Variants in PTPRG observed in about 807,000 individuals in gnomAD.
PTPRG encodes the protein protein tyrosine phosphatase receptor type G.
PTPRG carries 102 observed loss-of-function variants against 165.3 expected under a neutral mutation model. The observed-to-expected ratio is 0.62, with a 90% CI of 0.53 to 0.73. PTPRG has a LOEUF of 0.73. Ranked by LOEUF, PTPRG falls within the 30% of genes least tolerant of loss-of-function variation. The pLI, the probability that PTPRG is intolerant of heterozygous loss-of-function variation, is 0.00. For synonymous variants in PTPRG, 675 were observed against 669.5 expected, an observed-to-expected ratio of 1.01 and a Z score of -0.13; for missense variants, 1,866 against 1,861.4, an observed-to-expected ratio of 1.00 and a Z score of -0.05.
intron 2 of PTPRG, among the ~76,000 whole-genome samples, chr3:61,979,250 T>C (rs1213558980): frequency 6.6e-6 from 1 of 152,242 alleles, no homozygotes; most frequent in Non-Finnish European, 1.5e-5. Context: ...CACAGCACCG[T>C]TACTGATAAT....
At chr3:62,154,843 G>A (rs1277947197) in intron 6 of PTPRG, among the ~76,000 whole-genome samples, 1 of 152,206 alleles carries the variant, frequency 6.6e-6, no homozygotes, top group Non-Finnish European at 1.5e-5. Flanking sequence ...CCTACAACAT[G>A]AGGGAGACAT....
At chr3:61,894,586 C>T (rs1280118935) in intron 2 of PTPRG, among the ~76,000 whole-genome samples, 1 of 152,012 alleles carries the variant, frequency 6.6e-6, no homozygotes, top group Non-Finnish European at 1.5e-5. Flanking sequence ...TCATTAATTC[C>T]CCTTTACAGA....
At chr3:61,864,271 T>A (rs1188174270) in intron 2 of PTPRG, among the ~76,000 whole-genome samples, 2 of 152,166 alleles carry the variant, frequency 1.3e-5, no homozygotes, top group Non-Finnish European at 2.9e-5. Flanking sequence ...TACCCTTATT[T>A]ACCCAGGATT....
chr3:62,072,775 C>T (rs1275539862), intron 4 of PTPRG, among the ~76,000 whole-genome samples: 4 of 152,116 alleles, frequency 2.6e-5, no homozygotes, highest in Non-Finnish European at 4.4e-5. Flanking sequence ...ATAGGTTCAT[C>T]GACCTTTAAG....
At chr3:61,630,223 T>C (rs1701730884) in intron 1 of PTPRG, among the ~76,000 whole-genome samples, 2 of 152,234 alleles carry the variant, frequency 1.3e-5, no homozygotes, top group Non-Finnish European at 2.9e-5. Flanking sequence ...GTCTTTTTTA[T>C]GGAGTTGTAG....
intron 2 of PTPRG, among the ~76,000 whole-genome samples, chr3:61,967,276 G>A (rs2040291934): frequency 6.6e-6 from 1 of 152,148 alleles, no homozygotes. Flanking sequence ...GCCTCTGATT[G>A]TGATTTGATC....
At chr3:61,936,423 G>T (rs2039486304) in intron 2 of PTPRG, among the ~76,000 whole-genome samples, 1 of 152,170 alleles carries the variant, frequency 6.6e-6, no homozygotes, top group African/African-American at 2.4e-5. Flanking sequence ...GTATTTATTT[G>T]TGACTTTTTT....
chr3:62,255,056 C>T lies in PTPRG; in HGVS notation c.2468-68C>T. On this transcript the variant is annotated intron_variant, in intron 15 of 29. Transcript: ENST00000474889. The surrounding 1 kb of genome is among the most constrained non-coding windows in gnomAD (Gnocchi z 4.0). ...AAGTATTTGTCTTAAGGATGCTTTG[C>T]TTTATCAGTGTAATTTGTTTTATGG... The T allele has an allele frequency of 7.4e-7, 1 of 1,354,832 alleles. No individual in the cohort carries two copies. Among genetic ancestry groups the T allele is most frequent in the Non-Finnish European group, 1.0e-6 (1 of 965,116 alleles). The allele number at this position is 1,354,832 out of a possible 1,614,324, so 83.9% of individuals were successfully genotyped here. A position where few individuals can be genotyped will look rare whatever the true frequency, so the allele number is the denominator to read the frequency against.
intron 12 of PTPRG, among the ~76,000 whole-genome samples, chr3:62,216,544 C>A (rs1046765342): frequency 6.6e-6 from 1 of 151,954 alleles, no homozygotes; most frequent in Non-Finnish European, 1.5e-5. Context: ...AGATTCCCCC[C>A]CCTCCCCCAC....
chr3:61,709,353 C>A (rs1036010840), intron 1 of PTPRG, among the ~76,000 whole-genome samples: 2 of 152,152 alleles, frequency 1.3e-5, no homozygotes, highest in East Asian at 3.9e-4. Context: ...CTCGCTCTGT[C>A]ACCCAGGCTG....
chr3:61,798,726 T>TC (rs1184930134), intron 2 of PTPRG, among the ~76,000 whole-genome samples: 1 of 151,960 alleles, frequency 6.6e-6, no homozygotes, highest in Admixed American at 6.6e-5. Context: ...TGTAGCATCT[T>TC]CCAATAAAAG....
chr3:61,964,965 G>A (rs748908218), intron 2 of PTPRG, among the ~76,000 whole-genome samples: 2 of 152,076 alleles, frequency 1.3e-5, no homozygotes, highest in African/African-American at 2.4e-5. Context: ...ATCCGGGGCC[G>A]GGTGCAGTCT....
In PTPRG at chr3:61,766,510, G is replaced by A. The variant is rs1214675155; in HGVS notation, c.190+17528G>A. On this transcript the variant is annotated intron_variant, in intron 2 of 29. Transcript: ENST00000474889. Reference sequence around the variant, plus strand: ...TCCAGATTTCTATCTATATATTAAAGGAGTAGATCTGGAATTTCAGCTCTC... The same window carrying A: ...TCCAGATTTCTATCTATATATTAAAAGAGTAGATCTGGAATTTCAGCTCTC... Among the ~76,000 whole-genome samples the A allele has an allele frequency of 2.0e-5, 3 of 152,006 alleles. No homozygotes were observed. In the East Asian group the frequency reaches 5.8e-4, roughly 29 times the overall value.
intron 9 of PTPRG, 115 bp from the exon 10 acceptor site, chr3:62,194,946 GC>G (rs2062915695): frequency 1.1e-6 from 1 of 934,962 alleles, no homozygotes; most frequent in African/African-American, 1.6e-5. Context: ...CCTTTGGTCA[GC>G]AGGGAAGCAT....
At chr3:61,775,466 G>A (rs532420213) in intron 2 of PTPRG, among the ~76,000 whole-genome samples, 30 of 152,218 alleles carry the variant, frequency 2.0e-4, no homozygotes, top group South Asian at 1.7e-3. Context: ...CTGAATATGG[G>A]CAGATGTTTT....
intron 4 of PTPRG, among the ~76,000 whole-genome samples, chr3:62,072,392 C>T (rs184959920): frequency 2.0e-5 from 3 of 152,254 alleles, no homozygotes; most frequent in Non-Finnish European, 2.9e-5. Context: ...TCTATGTTAT[C>T]CATCACCTTG....
chr3:61,885,748 A>G (rs1394418315), intron 2 of PTPRG, among the ~76,000 whole-genome samples: 2 of 85,996 alleles, frequency 2.3e-5, no homozygotes, highest in Admixed American at 3.0e-4. Context: ...CAGTGGCACT[A>G]TCGTAGCTCT....
chr3:61,862,956 G>A (rs967369093), intron 2 of PTPRG, among the ~76,000 whole-genome samples: 13 of 152,154 alleles, frequency 8.5e-5, no homozygotes, highest in Admixed American at 2.6e-4. Context: ...AAAAGCAAAC[G>A]AGCAGATTTC....
chr3:62,231,248 A>C lies in PTPRG; in HGVS notation c.2312A>C (p.Lys771Thr). 2.5e-6 allele frequency: 4 copies of C among 1,589,474 alleles called. No homozygotes were observed. Among genetic ancestry groups the C allele is most frequent in the Non-Finnish European group, 3.4e-6 (4 of 1,167,420 alleles). The change falls in exon 14 of 30, where the codon AAG (lysine) becomes ACG (threonine). Residue 771 changes from lysine (K) to threonine (T), a missense_variant. By Grantham distance (78) the Lys-to-Thr change is moderately conservative. Coordinates refer to ENST00000474889, the MANE Select transcript of PTPRG (RefSeq NM_002841.4). Reference protein sequence around the residue: ...YWRGCNKIKSKGFPRRFREVP... With the variant: ...YWRGCNKIKSTGFPRRFREVP... ...AGAGGGTGTAACAAAATAAAGTCCA[A>C]GGGCTTTCCCAGACGTTTCCGTGAA...
Sources: gnomAD v4.1 joint callset for allele counts (sites outside exome capture counted in the v4.1 genomes callset) on GRCh38, gnomAD v4.1.1 for gene constraint, Gnocchi (gnomAD v3.1) non-coding constraint, MANE v1.5 for transcripts, NCBI Gene and HGNC (gene_info 2026-07-23, HGNC 2026-07-21) for gene names.